Variants in CCKBR observed in about 807,000 individuals in gnomAD.
CCKBR encodes the protein gastrin/cholecystokinin type B receptor.
CCKBR carries 33 observed loss-of-function variants against 34.6 expected under a neutral mutation model. The observed-to-expected ratio is 0.95, with a 90% CI of 0.72 to 1.27. The LOEUF is 1.27. Among genes scored for constraint, CCKBR ranks in the 50% most tolerant of loss-of-function variants. CCKBR has a pLI of 0.00. For missense variants in CCKBR, 652 were observed against 617.4 expected (o/e 1.06, Z -0.59); for synonymous variants, 269 against 267.5 (o/e 1.01, Z -0.06).
intron 1 of CCKBR, among the ~76,000 whole-genome samples, chr11:6,260,626 C>G (rs533371638): frequency 1.2e-4 from 19 of 152,340 alleles, no homozygotes; most frequent in African/African-American, 4.6e-4. Context: ...AGGCTGGACA[C>G]TAGGGGATGC....
At chr11:6,260,902 C>A (rs1465104505) in intron 1 of CCKBR, among the ~76,000 whole-genome samples, 1 of 152,142 alleles carries the variant, frequency 6.6e-6, no homozygotes, top group Admixed American at 6.5e-5. Flanking sequence ...ATGAAAGGGT[C>A]TAAACTGTGG....
At chr11:6,264,770 T>G (rs1848187225) in intron 1 of CCKBR, 5 of 477,950 alleles carry the variant, frequency 1.0e-5, no homozygotes, top group Non-Finnish European at 1.8e-5. Flanking sequence ...TCTGATTTAT[T>G]TTGTGCATGA....
At chr11:6,267,357 A>G (rs1156546761) in intron 1 of CCKBR, among the ~76,000 whole-genome samples, 2 of 36,332 alleles carry the variant, frequency 5.5e-5, no homozygotes, top group African/African-American at 6.9e-5. Context: ...TTAACTTTAG[A>G]AAAAAAAAAA....
At chr11:6,270,607 T>A (rs769402407) in intron 3 of CCKBR, 39 bp from the exon 4 acceptor site, 1 of 1,557,202 alleles carries the variant, frequency 6.4e-7, no homozygotes. Context: ...TGATTACAGC[T>A]GGACAGAAAC....
At chr11:6,270,851 AGGGCGACG>A in intron 4 of CCKBR, 48 bp downstream of exon 4, 1 of 1,613,324 alleles carries the variant, frequency 6.2e-7, no homozygotes, top group South Asian at 1.1e-5. Context: ...GGAGCTTTGG[AGGGCGACG>A]GGGCCTGCTG....
intron 2 of CCKBR, 26 bp downstream of exon 2, chr11:6,269,946 C>G (rs201414174): frequency 1.9e-6 from 3 of 1,612,198 alleles, no homozygotes; most frequent in South Asian, 2.2e-5. Context: ...ACCCCACCCC[C>G]ACTTGCCACT....
Position 6,271,161 on chromosome 11 carries a change from C to A in CCKBR, c.962C>A (p.Thr321Asn). ...APGPGSGSRP[T>N]QAKLLAKKRV... ...GGGCCGGGATCCGGCTCCCGGCCCA[C>A]CCAGGCCAAGCTGCTGGCTAAGAAG... Residue 321 changes from threonine to asparagine, a missense_variant, in exon 5 of 5, where the codon ACC becomes AAC. Transcript: ENST00000334619. 6.2e-7 allele frequency: 1 copy of A among 1,614,194 alleles called. No homozygotes were observed. The highest frequency in any genetic ancestry group is 8.5e-7 in the Non-Finnish European group (1 of 1,180,016).
chr11:6,269,485 A>G (rs541716230), intron 1 of CCKBR, among the ~76,000 whole-genome samples, 184 bp from the exon 2 acceptor site: 79 of 152,260 alleles, frequency 5.2e-4, no homozygotes, highest in African/African-American at 1.8e-3. Flanking sequence ...AGTTGGGCCA[A>G]TTTAACCAAA....
chr11:6,270,841 G>A (rs368646109), intron 4 of CCKBR, 38 bp downstream of exon 4: 8 of 1,613,588 alleles, frequency 5.0e-6, no homozygotes, highest in African/African-American at 2.7e-5. Context: ...TGGGCGAGGC[G>A]GAGCTTTGGA....
Position 6,271,822 on chromosome 11 carries a change from A to G in CCKBR, c.*279A>G. ...GCGTCCCTAGCAGTGAACTATTTCTACACAGTGGGAACTCTGACAAGGGCT... is the reference window on the plus strand; with the variant it reads ...GCGTCCCTAGCAGTGAACTATTTCTGCACAGTGGGAACTCTGACAAGGGCT... On this transcript the variant is annotated 3_prime_UTR_variant, in exon 5 of 5. Transcript: ENST00000334619. 2 of 421,564 alleles carry G rather than the reference A, an allele frequency of 4.7e-6. No homozygotes were observed. Among genetic ancestry groups the G allele is most frequent in the Non-Finnish European group, 8.4e-6 (2 of 236,950 alleles). 26.1% of individuals were successfully genotyped at this position (421,564 alleles called of 1,614,324 possible).
rs556376064 is a variant in CCKBR at position 6,260,213 on chromosome 11, C to G, written c.151+134C>G. ...TGCCTCTCATAGTACTCCCTCAGCC[C>G]CCAAACAGCTCCCCTCACACCTTCA... On this transcript the variant is annotated intron_variant, in intron 1 of 4. Coordinates refer to ENST00000334619, the MANE Select transcript of CCKBR (RefSeq NM_176875.4). 3 of 604,918 alleles carry G rather than the reference C, an allele frequency of 5.0e-6. 1 individual carries two copies. The South Asian group carries it at 6.2e-5, about 13-fold the overall frequency. 37.5% of individuals were successfully genotyped at this position (604,918 alleles called of 1,614,324 possible). A position where few individuals can be genotyped will look rare whatever the true frequency, so the allele number is the denominator to read the frequency against.
At position 6,271,154 on chromosome 11, in the gene CCKBR, C is replaced by T. The variant is rs113168010; in HGVS notation, c.955C>T (p.Arg319Trp). 1,000 of 1,614,120 alleles carry T rather than the reference C, an allele frequency of 6.2e-4. No individual in the cohort carries two copies. Among genetic ancestry groups the T allele is most frequent in the Non-Finnish European group, 8.0e-4 (940 of 1,179,996 alleles). ...LTAPGPGSGS[R>W]PTQAKLLAKK... ...GGCTCCTGGGCCGGGATCCGGCTCC[C>T]GGCCCACCCAGGCCAAGCTGCTGGC... Residue 319 changes from arginine to tryptophan, a missense_variant, in exon 5 of 5, where the codon CGG becomes TGG. Transcript: ENST00000334619.
chr11:6,262,514 A>G (rs1365355425), intron 1 of CCKBR, among the ~76,000 whole-genome samples: 1 of 152,176 alleles, frequency 6.6e-6, no homozygotes, highest in African/African-American at 2.4e-5. Flanking sequence ...TAAATAAAAA[A>G]CAGGACAGTC....
At chr11:6,266,160 G>C (rs1405715274) in intron 1 of CCKBR, among the ~76,000 whole-genome samples, 1 of 152,040 alleles carries the variant, frequency 6.6e-6, no homozygotes. Flanking sequence ...TATAGAGAGA[G>C]GGAGAAAGAG....
intron 1 of CCKBR, among the ~76,000 whole-genome samples, chr11:6,268,123 G>A (rs1304592287): frequency 6.6e-6 from 1 of 152,158 alleles, no homozygotes; most frequent in Admixed American, 6.5e-5. Context: ...GGATTACAAA[G>A]ATAAGCCACT....
chr11:6,260,010 C>T lies in CCKBR; in HGVS notation c.82C>T (p.Leu28Phe). 6.3e-7 allele frequency: 1 copy of T among 1,591,706 alleles called. No homozygotes were observed. Among genetic ancestry groups the T allele is most frequent in the South Asian group, 1.1e-5 (1 of 88,788 alleles). Residue 28 changes from leucine to phenylalanine, a missense_variant, in exon 1 of 5, where the codon CTC becomes TTC. Transcript: ENST00000334619. ...TTCCCTGTGCCGCCCGGGGGCGCCT[C>T]TCCTCAACAGCAGCAGTGTGGGCAA... ...GASLCRPGAPLLNSSSVGNLS... is the reference protein window; with the variant it reads ...GASLCRPGAPFLNSSSVGNLS...
intron 1 of CCKBR, among the ~76,000 whole-genome samples, chr11:6,265,877 A>G (rs11040826): frequency 0.18 from 26,880 of 152,174 alleles, 2,483 homozygotes; most frequent in Middle Eastern, 0.32. Flanking sequence ...GAGGCAAAGA[A>G]GAAGAAGAAA....
intron 1 of CCKBR, among the ~76,000 whole-genome samples, chr11:6,262,935 G>A (rs2133895792): frequency 6.6e-6 from 1 of 152,312 alleles, no homozygotes; most frequent in South Asian, 2.1e-4. Context: ...CCCTGTGAAA[G>A]CGGGATGTGA....
At chr11:6,269,620 C>T (rs1848260651) in intron 1 of CCKBR, 49 bp from the exon 2 acceptor site, 9 of 1,594,632 alleles carry the variant, frequency 5.6e-6, no homozygotes, top group African/African-American at 1.3e-5. Context: ...GGGGATTTGA[C>T]TGAATGAAGG....
Sources: gnomAD v4.1 joint callset for allele counts (sites outside exome capture counted in the v4.1 genomes callset) on GRCh38, gnomAD v4.1.1 for gene constraint, MANE v1.5 for transcripts, NCBI Gene and HGNC (gene_info 2026-07-23, HGNC 2026-07-21) for gene names.